Variants in FBN2 observed in about 807,000 individuals in gnomAD.
The protein encoded by FBN2 is fibrillin 2, also known as fibrillin-2.
In FBN2, 105 loss-of-function variants were observed where a neutral mutation model predicts 355.6. The observed-to-expected ratio is 0.30, with a 90% confidence interval of 0.25 to 0.35. The LOEUF is 0.35. Ranked by LOEUF, FBN2 falls within the 10% of genes least tolerant of loss-of-function variation. The pLI is 1.00. For missense variants in FBN2, 3,280 were observed against 3,758.7 expected (o/e 0.87, Z 3.33); for synonymous variants, 1,350 against 1,301.2 (o/e 1.04, Z -0.81).
chr5:128,406,075 C>G (rs1011138535), intron 8 of FBN2, among the ~76,000 whole-genome samples: 1 of 152,160 alleles, frequency 6.6e-6, no homozygotes, highest in Non-Finnish European at 1.5e-5. Context: ...TCAAGAAAAT[C>G]AAGCCAGATG....
At chr5:128,425,604 T>C (rs2127022487) in intron 7 of FBN2, among the ~76,000 whole-genome samples, 1 of 152,304 alleles carries the variant, frequency 6.6e-6, no homozygotes, top group South Asian at 2.1e-4. Context: ...ATTTAAGAAG[T>C]ATTGATCTTT....
At position 128,370,802 on chromosome 5, in the gene FBN2, G is replaced by A. The variant is rs1751914026; in HGVS notation, c.2096-1468C>T. Among the ~76,000 whole-genome samples, 3 of 152,012 alleles carry A rather than the reference G, an allele frequency of 2.0e-5. No homozygotes were observed. The South Asian group carries it at 6.2e-4, about 32-fold the overall frequency. On this transcript the variant is annotated intron_variant, in intron 15 of 64. Transcript: ENST00000262464. ...ACTGGAAGAGTGAGACATGTTATAT[G>A]GTAGTTTGCATTACAGGTGAACCAA...
intron 20 of FBN2, 111 bp from the exon 21 acceptor site, chr5:128,351,116 C>CG: frequency 8.4e-6 from 11 of 1,309,072 alleles, no homozygotes; most frequent in South Asian, 1.2e-5. Flanking sequence ...AGATTACTGG[C>CG]TCACGCCTGT....
rs189595747 is a variant in FBN2 at position 128,299,611 on chromosome 5, T to C, written c.6166+1206A>G. On this transcript the variant is annotated intron_variant, in intron 48 of 64. Coordinates refer to ENST00000262464, the MANE Select transcript of FBN2 (RefSeq NM_001999.4). ...CAGGTGCCGTCTGTCACCACTTTCT[T>C]TGACTAGGAAAGGGAACTCCCTGAC... Among the ~76,000 whole-genome samples, 518 of 152,260 alleles carry C rather than the reference T, an allele frequency of 3.4e-3. 3 individuals are homozygous for C. The highest frequency in any genetic ancestry group is 0.012 in the African/African-American group (509 of 41,552).
intron 8 of FBN2, among the ~76,000 whole-genome samples, chr5:128,400,486 C>G (rs1752769174): frequency 6.6e-6 from 1 of 151,978 alleles, no homozygotes. Flanking sequence ...TCTGTAGGTA[C>G]AAAGAAAATT....
At chr5:128,339,319 A>G in intron 25 of FBN2, 1 of 417,372 alleles carries the variant, frequency 2.4e-6, no homozygotes, top group Non-Finnish European at 4.5e-6. Flanking sequence ...TTTGTGGCTT[A>G]GAAATCGTAA....
chr5:128,356,533 T>C (rs1445299745), intron 20 of FBN2, among the ~76,000 whole-genome samples: 1 of 152,258 alleles, frequency 6.6e-6, no homozygotes, highest in African/African-American at 2.4e-5. Context: ...GGATACTAGC[T>C]AATGATGTGA....
intron 6 of FBN2, among the ~76,000 whole-genome samples, chr5:128,449,268 A>C (rs1238027643): frequency 6.7e-6 from 1 of 149,278 alleles, no homozygotes; most frequent in Non-Finnish European, 1.5e-5. Flanking sequence ...TTACATTATA[A>C]GTGAAGTGGC....
At chr5:128,261,594 T>G in intron 64 of FBN2, 142 bp downstream of exon 64, 2 of 771,532 alleles carry the variant, frequency 2.6e-6, no homozygotes. Flanking sequence ...TTACTTGTCT[T>G]TTCCATACTG....
At chr5:128,488,059 A>C (rs1443969598) in intron 5 of FBN2, among the ~76,000 whole-genome samples, 1 of 152,216 alleles carries the variant, frequency 6.6e-6, no homozygotes, top group African/African-American at 2.4e-5. Context: ...CACATATACT[A>C]AGCTAGGGTC....
intron 8 of FBN2, among the ~76,000 whole-genome samples, chr5:128,400,631 T>C (rs1224576942): frequency 3.3e-5 from 5 of 152,246 alleles, no homozygotes; most frequent in African/African-American, 1.2e-4. Context: ...AAGCAAATAC[T>C]GTACCAGAAT....
At chr5:128,306,971 T>C (rs1306121976) in intron 42 of FBN2, among the ~76,000 whole-genome samples, 164 bp downstream of exon 42, 1 of 152,208 alleles carries the variant, frequency 6.6e-6, no homozygotes, top group Non-Finnish European at 1.5e-5. Context: ...TATTAATACT[T>C]GGTTAGAGTC....
rs863223615 is a variant in FBN2, at chr5:128,259,516, T to A, written c.8678A>T (p.Asp2893Val). The A allele has an allele frequency of 1.4e-5, 23 of 1,613,874 alleles. No homozygotes were observed. The highest frequency in any genetic ancestry group is 1.9e-5 in the Non-Finnish European group (22 of 1,179,990). ...LKKLEESNED[D>V]YLLGELGEAL... ...CTCCCCAAGCTCCCCTAGGAGGTAG[T>A]CATCCTCATTGCTCTCTTCCAGTTT... Residue 2893 changes from aspartate to valine, a missense_variant, in exon 65 of 65, where the codon GAC becomes GTC. Transcript: ENST00000262464.
intron 16 of FBN2, among the ~76,000 whole-genome samples, chr5:128,368,388 A>T (rs888805202): frequency 1.3e-5 from 2 of 149,166 alleles, no homozygotes; most frequent in African/African-American, 4.9e-5. Context: ...ATATATATAG[A>T]GAGAGATCTT....
chr5:128,529,466 G>A (rs1016744048), intron 3 of FBN2, among the ~76,000 whole-genome samples: 15 of 152,172 alleles, frequency 9.9e-5, no homozygotes, highest in Non-Finnish European at 2.1e-4. Context: ...GATGATGATT[G>A]GGAGGGTTAG....
At chr5:128,333,682 G>C (rs905863026) in intron 31 of FBN2, among the ~76,000 whole-genome samples, 1 of 147,398 alleles carries the variant, frequency 6.8e-6, no homozygotes, top group Non-Finnish European at 1.5e-5. Flanking sequence ...GTGTGTGTGC[G>C]TGTGTGTGTG....
Position 128,537,675 on chromosome 5 carries a change from A to T in FBN2, c.-72T>A. On this transcript the variant is annotated 5_prime_UTR_variant, in exon 1 of 65. Coordinates refer to ENST00000262464, the MANE Select transcript of FBN2 (RefSeq NM_001999.4). The stretch of plus-strand genomic sequence containing the variant: ...ATCAAAGACAAAATCTGCGCGCCTC[A>T]GAAAAGAGTCAGGGTCTAATAAGCC... The T allele has an allele frequency of 6.8e-7, 1 of 1,471,058 alleles. No individual in the cohort carries two copies. Among genetic ancestry groups the T allele is most frequent in the Non-Finnish European group, 9.3e-7 (1 of 1,072,226 alleles). The allele number at this position is 1,471,058 out of a possible 1,614,324, so 91.1% of individuals were successfully genotyped here.
At chr5:128,372,173 A>AT (rs1751961877) in intron 15 of FBN2, among the ~76,000 whole-genome samples, 1 of 152,200 alleles carries the variant, frequency 6.6e-6, no homozygotes, top group Non-Finnish European at 1.5e-5. Context: ...TCATCTTATA[A>AT]TTTTTTGTCA....
At chr5:128,386,503 A>G (rs1222368438) in intron 11 of FBN2, among the ~76,000 whole-genome samples, 1 of 152,160 alleles carries the variant, frequency 6.6e-6, no homozygotes, top group South Asian at 2.1e-4. Flanking sequence ...TTGGCTATTC[A>G]GGCCATTTTT....
Sources: gnomAD v4.1 joint callset for allele counts (sites outside exome capture counted in the v4.1 genomes callset) on GRCh38, gnomAD v4.1.1 for gene constraint, MANE v1.5 for transcripts, NCBI Gene and HGNC (gene_info 2026-07-23, HGNC 2026-07-21) for gene names.